The following UBAP2L variants were observed in gnomAD, a reference collection of about 807,000 sequenced individuals.
The protein encoded by UBAP2L is ubiquitin associated protein 2 like.
UBAP2L carries 12 observed loss-of-function variants against 130.6 expected under a neutral mutation model. The ratio of observed to expected loss-of-function variants is 0.09; its 90% CI spans 0.06 to 0.15. UBAP2L has a LOEUF of 0.15. UBAP2L is among the 10% of genes least tolerant of loss of function. UBAP2L has a pLI of 1.00. For synonymous variants in UBAP2L, 503 were observed against 524.7 expected (o/e 0.96, Z 0.57); for missense variants, 965 against 1,332.5 (o/e 0.72, Z 4.29).
chr1:154,257,136 C>G lies in UBAP2L; in HGVS notation c.2231C>G (p.Ser744Cys), dbSNP rs773139385. The G allele has an allele frequency of 5.6e-6, 9 of 1,614,222 alleles. No homozygotes were observed. Among genetic ancestry groups the G allele is most frequent in the Non-Finnish European group, 7.6e-6 (9 of 1,180,042 alleles). Residue 744 changes from serine to cysteine, a missense_variant, in exon 19 of 27, where the codon TCT becomes TGT. Around this residue, in one of 9 missense-constraint regions of UBAP2L, gnomAD observed 393 missense variants for 408.1 expected, o/e 0.96. Coordinates refer to ENST00000428931, the MANE Select transcript of UBAP2L (RefSeq NM_014847.4). ...TTTTCCACCACATCCAGCACAGTCT[C>G]TGCACCTCCCCCAGTGGTCAGTGTC... ...STFSTTSSTV[S>C]APPPVVSVSS...
In UBAP2L at chr1:154,246,255, T is replaced by A. The variant is rs776702792; in HGVS notation, c.894T>A (p.Asp298Glu). The change falls in exon 11 of 27, where the codon GAT becomes GAA. Residue 298 changes from aspartate (D) to glutamate (E), a missense_variant. Coordinates refer to ENST00000428931, the MANE Select transcript of UBAP2L (RefSeq NM_014847.4). The stretch of plus-strand genomic sequence containing the variant: ...AGACACCATCTACAATGGAGAATGA[T>A]TCATCTAATCTGGATCCGTCTCAGG... The part of the protein sequence containing the change: ...LGKTPSTMEN[D>E]SSNLDPSQAP... 6.2e-7 allele frequency: 1 copy of A among 1,613,742 alleles called. No individual in the cohort carries two copies. Among genetic ancestry groups the A allele is most frequent in the South Asian group, 1.1e-5 (1 of 91,064 alleles).
intron 1 of UBAP2L, among the ~76,000 whole-genome samples, chr1:154,224,856 AAATCCATCACTTAC>A: frequency 6.6e-6 from 1 of 152,360 alleles, no homozygotes; most frequent in South Asian, 2.1e-4. Context: ...CTTCTTAAAA[AAATCCATCACTTAC>A]ACATGCTTTA....
At chr1:154,223,205 C>T (rs1666864557) in intron 1 of UBAP2L, among the ~76,000 whole-genome samples, 1 of 152,104 alleles carries the variant, frequency 6.6e-6, no homozygotes, top group Non-Finnish European at 1.5e-5. Context: ...TTTTTTCTTT[C>T]TTGGTTAATT....
At chr1:154,249,460 G>T (rs1283865320) in intron 12 of UBAP2L, 23 bp downstream of exon 12, 2 of 1,613,658 alleles carry the variant, frequency 1.2e-6, no homozygotes, top group Admixed American at 3.3e-5. Flanking sequence ...AAAGTGACTT[G>T]AATCTTTAAA....
chr1:154,221,038 C>T, intron 1 of UBAP2L, 63 bp downstream of exon 1: 1 of 202,924 alleles, frequency 4.9e-6, no homozygotes, highest in South Asian at 5.6e-5. Context: ...GCGGCGGGGC[C>T]GGGTATTGTC....
In UBAP2L at chr1:154,246,263, A is replaced by G; in HGVS notation, c.902A>G (p.Asn301Ser). ...TPSTMENDSS[N>S]LDPSQAPSLA... The stretch of plus-strand genomic sequence containing the variant: ...TCTACAATGGAGAATGATTCATCTA[A>G]TCTGGATCCGTCTCAGGCTCCTTCT... Residue 301 changes from asparagine (N) to serine (S), a missense_variant, in exon 11 of 27, where the codon AAT becomes AGT. By Grantham distance (46) the Asn-to-Ser change is conservative. Transcript: ENST00000428931. 1 of 1,613,804 alleles carries G rather than the reference A, an allele frequency of 6.2e-7. No homozygotes were observed. The highest frequency in any genetic ancestry group is 8.5e-7 in the Non-Finnish European group (1 of 1,179,910).
intron 4 of UBAP2L, among the ~76,000 whole-genome samples, chr1:154,229,104 C>A (rs896310071): frequency 2.7e-4 from 40 of 146,100 alleles, no homozygotes; most frequent in Admixed American, 1.9e-3. Context: ...GTTTTTTTTT[C>A]TTTTTATTTT....
intron 2 of UBAP2L, among the ~76,000 whole-genome samples, chr1:154,225,836 C>T (rs543775744): frequency 6.8e-4 from 104 of 152,266 alleles, no homozygotes; most frequent in Non-Finnish European, 1.3e-3. Flanking sequence ...GTTTTTGAGA[C>T]GGAGTCTCGC....
intron 4 of UBAP2L, among the ~76,000 whole-genome samples, chr1:154,229,094 GT>G (rs1014328059): frequency 2.1e-4 from 32 of 149,238 alleles, no homozygotes; most frequent in Admixed American, 9.3e-4. Context: ...ACTTGATTCT[GT>G]TTTTTTTTCT....
upstream of UBAP2L, chr1:154,220,606 C>T (rs1665558826): frequency 1.6e-6 from 1 of 609,202 alleles, no homozygotes; most frequent in Non-Finnish European, 2.9e-6. Context: ...CGCCTTCCAG[C>T]TTCCCCCTGA....
intron 25 of UBAP2L, among the ~76,000 whole-genome samples, chr1:154,267,780 C>G (rs1285341547): frequency 1.3e-5 from 2 of 151,546 alleles, no homozygotes; most frequent in African/African-American, 4.8e-5. Flanking sequence ...CAGATGTGAG[C>G]CATCATGCCC....
chr1:154,244,078 A>G (rs150398708), intron 10 of UBAP2L, among the ~76,000 whole-genome samples: 1 of 152,162 alleles, frequency 6.6e-6, no homozygotes, highest in Non-Finnish European at 1.5e-5. Flanking sequence ...TTTAGAATTT[A>G]AATCTCTAGG....
intron 25 of UBAP2L, among the ~76,000 whole-genome samples, chr1:154,267,733 A>G (rs918708204): frequency 2.0e-5 from 3 of 151,640 alleles, no homozygotes; most frequent in Non-Finnish European, 4.4e-5. Context: ...GGCTCAAGCA[A>G]TCCACCCGCC....
chr1:154,262,644 G>A (rs920877099), intron 24 of UBAP2L, among the ~76,000 whole-genome samples: 37 of 152,098 alleles, frequency 2.4e-4, no homozygotes, highest in African/African-American at 8.7e-4. Flanking sequence ...TTCAATAATT[G>A]GGAAGAGCAC....
rs1311304217 is a variant in UBAP2L, at chr1:154,261,016, G to C, written c.2703G>C (p.Ala901=). Residue 901 remains alanine, a synonymous_variant, in exon 23 of 27, where the codon GCG becomes GCC. Transcript: ENST00000428931. ...HTTQQTFLNP[A]LPPGYSYTSL... ...CGCAGCAGACATTCCTGAACCCGGC[G>C]CTGCCTCCTGGCTACAGTTACACCA... 10 of 1,614,042 alleles carry C rather than the reference G, an allele frequency of 6.2e-6. No individual in the cohort carries two copies. The highest frequency in any genetic ancestry group is 5.9e-6 in the Non-Finnish European group (7 of 1,180,042).
chr1:154,247,902 T>C (rs1489411331), intron 11 of UBAP2L, among the ~76,000 whole-genome samples: 1 of 152,032 alleles, frequency 6.6e-6, no homozygotes, highest in Non-Finnish European at 1.5e-5. Flanking sequence ...ACATGGGAGT[T>C]TCTTTATATT....
At chr1:154,269,490 TGAAAA>T in intron 26 of UBAP2L, 1 of 1,191,688 alleles carries the variant, frequency 8.4e-7, no homozygotes, top group Non-Finnish European at 1.1e-6. Flanking sequence ...TCAGGGAACT[TGAAAA>T]GACTGCGCGG....
chr1:154,260,999 A>G lies in UBAP2L; in HGVS notation c.2686A>G (p.Thr896Ala), dbSNP rs1681372024. The G allele has an allele frequency of 6.2e-7, 1 of 1,614,062 alleles. No individual in the cohort carries two copies. ...QTQTHHTTQQ[T>A]FLNPALPPGY... is the part of the protein sequence containing the mutation. ...GCAGACTCACCATACCACGCAGCAG[A>G]CATTCCTGAACCCGGCGCTGCCTCC... The change falls in exon 23 of 27, where the codon ACA becomes GCA. Residue 896 changes from threonine to alanine, a missense_variant. By Grantham distance (58) the Thr-to-Ala change is moderately conservative. Around this residue, in one of 9 missense-constraint regions of UBAP2L, gnomAD observed 194 missense variants for 334.0 expected, o/e 0.58. Coordinates refer to ENST00000428931, the MANE Select transcript of UBAP2L (RefSeq NM_014847.4).
At chr1:154,269,564 T>G (rs1684270489) in intron 26 of UBAP2L, 1 of 446,100 alleles carries the variant, frequency 2.2e-6, no homozygotes, top group Non-Finnish European at 4.1e-6. Flanking sequence ...CTCCCCTTCC[T>G]CTCTCCTCCT....
Sources: gnomAD v4.1 joint callset for allele counts (sites outside exome capture counted in the v4.1 genomes callset) on GRCh38, gnomAD v4.1.1 for gene constraint, gnomAD v4.1.1 regional missense constraint, MANE v1.5 for transcripts, NCBI Gene and HGNC (gene_info 2026-07-23, HGNC 2026-07-21) for gene names.